STARD13: variants seen among roughly 807,000 people sequenced by gnomAD.
STARD13 encodes the protein StAR related lipid transfer domain containing 13.
Under a neutral mutation model 106.4 loss-of-function variants are expected in STARD13, and 62 were observed. The ratio of observed to expected loss-of-function variants is 0.58; its 90% CI spans 0.48 to 0.72. The LOEUF is 0.72. STARD13 is among the 30% of genes least tolerant of loss of function. The pLI is 0.00. For synonymous variants in STARD13, 565 were observed against 553.0 expected (o/e 1.02, Z -0.31); for missense variants, 1,387 against 1,424.0 (o/e 0.97, Z 0.42).
At chr13:33,409,722 C>G in the STARD13 span, among the ~76,000 whole-genome samples, 1 of 152,190 alleles carries the variant, frequency 6.6e-6, no homozygotes, top group Non-Finnish European at 1.5e-5. Context: ...GGAAGTTAGC[C>G]TAGTACCTGC....
At chr13:33,413,566 A>G in the STARD13 span, among the ~76,000 whole-genome samples, 4 of 152,306 alleles carry the variant, frequency 2.6e-5, no homozygotes, top group Admixed American at 2.6e-4. Flanking sequence ...GAGGGAGGCC[A>G]TATTTCCAAA....
the STARD13 span, among the ~76,000 whole-genome samples, chr13:33,364,648 G>A: frequency 6.6e-6 from 1 of 152,220 alleles, no homozygotes; most frequent in Non-Finnish European, 1.5e-5. Context: ...CCAGCTCTTT[G>A]GGAGGCCGAG....
chr13:33,454,426 T>A, the STARD13 span, among the ~76,000 whole-genome samples: 1 of 152,234 alleles, frequency 6.6e-6, no homozygotes, highest in Non-Finnish European at 1.5e-5. Context: ...TCTAATCCTA[T>A]CTTCGTATCT....
At chr13:33,267,575 TG>T in intron 1 of STARD13, among the ~76,000 whole-genome samples, 1 of 152,322 alleles carries the variant, frequency 6.6e-6, no homozygotes, top group African/African-American at 2.4e-5. Flanking sequence ...TGAGAGCACC[TG>T]ACACAGAGTA....
intron 2 of STARD13, 115 bp downstream of exon 2, chr13:33,167,436 A>G (rs1883448873): frequency 9.7e-7 from 1 of 1,026,704 alleles, no homozygotes; most frequent in Non-Finnish European, 1.5e-6. Context: ...GGAAAAAGAA[A>G]GCGAAGCAAA....
chr13:33,499,761 C>CTTTTTTTT, the STARD13 span, among the ~76,000 whole-genome samples: 1 of 94,578 alleles, frequency 1.1e-5, no homozygotes, highest in African/African-American at 4.7e-5. Context: ...CTTCTTCTTT[C>CTTTTTTTT]TTTTTTTTTT....
chr13:33,315,471 T>C (rs1292742768), intron 1 of STARD13, among the ~76,000 whole-genome samples: 1 of 152,196 alleles, frequency 6.6e-6, no homozygotes, highest in Admixed American at 6.5e-5. Context: ...TTAGGGACAT[T>C]TGAATGGCCA....
intron 6 of STARD13, 124 bp downstream of exon 6, chr13:33,127,249 G>A (rs1877312552): frequency 9.2e-7 from 1 of 1,086,728 alleles, no homozygotes. Flanking sequence ...CTTATGTCCA[G>A]GAGATCATCA....
At chr13:33,436,423 G>C in the STARD13 span, among the ~76,000 whole-genome samples, 1 of 152,142 alleles carries the variant, frequency 6.6e-6, no homozygotes, top group South Asian at 2.1e-4. Context: ...ACAATGAAAA[G>C]AGGAATTAAA....
the STARD13 span, among the ~76,000 whole-genome samples, chr13:33,433,442 T>C: frequency 6.6e-6 from 1 of 152,164 alleles, no homozygotes. Context: ...GAGGAAGATG[T>C]GAATCAGGCA....
chr13:33,393,053 G>A, the STARD13 span, among the ~76,000 whole-genome samples: 2 of 152,200 alleles, frequency 1.3e-5, no homozygotes, highest in African/African-American at 2.4e-5. Flanking sequence ...AAACAAAGAC[G>A]CATTTGTTGA....
chr13:33,458,463 A>C, the STARD13 span, among the ~76,000 whole-genome samples: 1 of 152,166 alleles, frequency 6.6e-6, no homozygotes, highest in African/African-American at 2.4e-5. Flanking sequence ...GTTTTCAGCA[A>C]GGAATCTTTT....
chr13:33,414,939 G>T, the STARD13 span, among the ~76,000 whole-genome samples: 1 of 152,128 alleles, frequency 6.6e-6, no homozygotes, highest in Non-Finnish European at 1.5e-5. Flanking sequence ...GGAATCGTTG[G>T]GGTAGAATGT....
chr13:33,459,978 C>T, the STARD13 span, among the ~76,000 whole-genome samples: 1 of 152,100 alleles, frequency 6.6e-6, no homozygotes, highest in African/African-American at 2.4e-5. Flanking sequence ...CTAAGATGAT[C>T]TCTTTATTAT....
chr13:33,335,796 G>A (rs1318385268), intron 1 of STARD13, among the ~76,000 whole-genome samples: 1 of 152,232 alleles, frequency 6.6e-6, no homozygotes, highest in Non-Finnish European at 1.5e-5. Flanking sequence ...TCCCAGAGAG[G>A]ACTGATGTGA....
chr13:33,534,703 T>C, the STARD13 span, among the ~76,000 whole-genome samples: 2 of 152,204 alleles, frequency 1.3e-5, no homozygotes, highest in Non-Finnish European at 2.9e-5. Flanking sequence ...TTTAAATTCT[T>C]CTAAGTGTCT....
At chr13:33,664,312 T>C in the STARD13 span, among the ~76,000 whole-genome samples, 5 of 152,202 alleles carry the variant, frequency 3.3e-5, no homozygotes, top group Non-Finnish European at 4.4e-5. Flanking sequence ...GACACACTTA[T>C]TTTGTTTTTA....
At chr13:33,181,997 T>C (rs1885285456) in intron 1 of STARD13, among the ~76,000 whole-genome samples, 1 of 152,218 alleles carries the variant, frequency 6.6e-6, no homozygotes, top group African/African-American at 2.4e-5. Context: ...TACCTGAGAA[T>C]AACCAATCAT....
At chr13:33,546,803 T>C in the STARD13 span, among the ~76,000 whole-genome samples, 1 of 152,048 alleles carries the variant, frequency 6.6e-6, no homozygotes, top group Non-Finnish European at 1.5e-5. Flanking sequence ...TTAATGTTTT[T>C]TATTTGTAAT....
Sources: gnomAD v4.1 joint callset for allele counts (sites outside exome capture counted in the v4.1 genomes callset) on GRCh38, gnomAD v4.1.1 for gene constraint, MANE v1.5 for transcripts, NCBI Gene and HGNC (gene_info 2026-07-23, HGNC 2026-07-21) for gene names.